Variants in RIMS1 observed in about 807,000 individuals in gnomAD.
RIMS1 encodes regulating synaptic membrane exocytosis protein 1.
In RIMS1, 83 loss-of-function variants were observed where a neutral mutation model predicts 214.1. That is an observed-to-expected ratio of 0.39 (90% confidence interval 0.32 to 0.47). The LOEUF is 0.47. Ranked by LOEUF, RIMS1 falls within the 20% of genes least tolerant of loss-of-function variation. The pLI is 0.99. For missense variants in RIMS1, 2,050 were observed against 2,161.8 expected (o/e 0.95, Z 1.03); for synonymous variants, 793 against 786.8 (o/e 1.01, Z -0.13).
chr6:72,256,704 G>A (rs952783461), intron 16 of RIMS1, among the ~76,000 whole-genome samples: 1 of 148,548 alleles, frequency 6.7e-6, no homozygotes, highest in African/African-American at 2.5e-5. Flanking sequence ...TTTTTACAAT[G>A]AGCTATGTAT....
intron 2 of RIMS1, among the ~76,000 whole-genome samples, chr6:72,093,602 CT>C (rs1198922241): frequency 2.6e-5 from 4 of 151,764 alleles, no homozygotes; most frequent in Non-Finnish European, 5.9e-5. Flanking sequence ...ATGTGATGAT[CT>C]TTGTCTTTTG....
intron 8 of RIMS1, among the ~76,000 whole-genome samples, chr6:72,237,540 G>A (rs913851934): frequency 4.0e-5 from 6 of 151,802 alleles, no homozygotes; most frequent in African/African-American, 1.5e-4. Context: ...GCTGGGCGTG[G>A]TGGTGTATGC....
intron 2 of RIMS1, among the ~76,000 whole-genome samples, chr6:72,014,370 C>T (rs544996804): frequency 7.9e-5 from 12 of 152,308 alleles, no homozygotes; most frequent in South Asian, 2.1e-4. Flanking sequence ...GGTGGGACAC[C>T]GCCAAACCAT....
chr6:72,336,043 T>A (rs1344682118), intron 29 of RIMS1, among the ~76,000 whole-genome samples: 1 of 151,890 alleles, frequency 6.6e-6, no homozygotes, highest in Non-Finnish European at 1.5e-5. Context: ...GGAGAAGGTT[T>A]TGACCACCAG....
chr6:72,259,126 T>A lies in RIMS1; in HGVS notation c.3053+15T>A. On this transcript the variant is annotated intron_variant, in intron 18 of 33. Coordinates refer to ENST00000521978, the MANE Select transcript of RIMS1 (RefSeq NM_014989.7). ...GAACAAGACAGGTATTTGTCAAAAT[T>A]ATGATCTCAACGTTATGAATTTTTT... is the stretch of plus-strand genomic sequence containing the variant. 1 of 1,608,660 alleles carries A rather than the reference T, an allele frequency of 6.2e-7. No homozygotes were observed. The highest frequency in any genetic ancestry group is 8.5e-7 in the Non-Finnish European group (1 of 1,176,156).
chr6:72,114,177 CA>C (rs2036628177), intron 4 of RIMS1, among the ~76,000 whole-genome samples: 1 of 151,966 alleles, frequency 6.6e-6, no homozygotes, highest in African/African-American at 2.4e-5. Context: ...TGACTTGACA[CA>C]ATGTAGTAAA....
chr6:72,186,937 C>T (rs1350823312), intron 6 of RIMS1, among the ~76,000 whole-genome samples: 1 of 152,066 alleles, frequency 6.6e-6, no homozygotes, highest in Non-Finnish European at 1.5e-5. Context: ...TCGAGACCAG[C>T]CTGGGCAACA....
rs934868800 is a variant in RIMS1 at position 71,903,213 on chromosome 6, C to T, written c.164+16026C>T. 3.9e-5 allele frequency among the ~76,000 whole-genome samples: 6 copies of T among 152,186 alleles called. No homozygotes were observed. In the East Asian group the frequency reaches 5.8e-4, roughly 15 times the overall value. On this transcript the variant is annotated intron_variant, in intron 1 of 33. Coordinates refer to ENST00000521978, the MANE Select transcript of RIMS1 (RefSeq NM_014989.7). ...TGTTGTTTCTTGACTTTTCAATAAT[C>T]GCCATTCTGACTGGCGTGAGGTGGT... is the stretch of plus-strand genomic sequence containing the variant.
intron 7 of RIMS1, among the ~76,000 whole-genome samples, chr6:72,235,302 T>C (rs2697442): frequency 0.63 from 94,990 of 151,842 alleles, 30,188 homozygotes; most frequent in East Asian, 0.98. Flanking sequence ...TTATTCCTCC[T>C]GTATAGCTGT....
chr6:72,332,184 T>C (rs2096683704), intron 28 of RIMS1, among the ~76,000 whole-genome samples: 1 of 151,810 alleles, frequency 6.6e-6, no homozygotes, highest in Non-Finnish European at 1.5e-5. Context: ...CTATATCAGC[T>C]AGTGTGTATT....
At chr6:72,100,974 G>A (rs557633572) in intron 4 of RIMS1, among the ~76,000 whole-genome samples, 1 of 151,924 alleles carries the variant, frequency 6.6e-6, no homozygotes, top group South Asian at 2.1e-4. Context: ...ATTTATTTTT[G>A]TCTGTACCAT....
At chr6:71,935,243 A>G (rs1414113293) in intron 1 of RIMS1, among the ~76,000 whole-genome samples, 1 of 152,220 alleles carries the variant, frequency 6.6e-6, no homozygotes, top group Non-Finnish European at 1.5e-5. Flanking sequence ...ACAGAGATGA[A>G]GAGTCAATAT....
At chr6:72,304,685 C>T (rs1183508383) in intron 26 of RIMS1, among the ~76,000 whole-genome samples, 1 of 151,884 alleles carries the variant, frequency 6.6e-6, no homozygotes, top group African/African-American at 2.4e-5. Flanking sequence ...TATGAAAAAA[C>T]TTTTACTGAA....
intron 29 of RIMS1, among the ~76,000 whole-genome samples, chr6:72,384,447 T>C (rs192841157): frequency 2.0e-5 from 3 of 152,348 alleles, no homozygotes; most frequent in Admixed American, 1.3e-4. Context: ...TGGTCACGTC[T>C]ATATTTTTTT....
At chr6:71,939,966 AG>A (rs1419388661) in intron 1 of RIMS1, among the ~76,000 whole-genome samples, 2 of 152,252 alleles carry the variant, frequency 1.3e-5, no homozygotes, top group African/African-American at 4.8e-5. Flanking sequence ...GTGTGAACTT[AG>A]ACAAATTAAT....
intron 23 of RIMS1, among the ~76,000 whole-genome samples, chr6:72,281,042 G>A (rs916468824): frequency 3.3e-5 from 5 of 151,944 alleles, no homozygotes; most frequent in African/African-American, 9.7e-5. Flanking sequence ...CACCAAAATC[G>A]CCTGGCTAGC....
At chr6:72,375,130 C>T (rs1286029857) in intron 29 of RIMS1, among the ~76,000 whole-genome samples, 1 of 152,200 alleles carries the variant, frequency 6.6e-6, no homozygotes, top group Non-Finnish European at 1.5e-5. Context: ...CAGACTGGTA[C>T]CAGTCCATGA....
intron 24 of RIMS1, among the ~76,000 whole-genome samples, chr6:72,289,104 A>G (rs1019762033): frequency 3.3e-5 from 5 of 152,178 alleles, no homozygotes; most frequent in African/African-American, 9.7e-5. Flanking sequence ...ATTTCAAGTC[A>G]CATTTGAGTT....
At chr6:72,036,720 G>C (rs2152051538) in intron 2 of RIMS1, among the ~76,000 whole-genome samples, 1 of 152,268 alleles carries the variant, frequency 6.6e-6, no homozygotes, top group South Asian at 2.1e-4. Context: ...GTTGTTTAAA[G>C]AATGGAGTAA....
Sources: allele counts gnomAD v4.1 joint callset (sites outside exome capture counted in the v4.1 genomes callset), GRCh38; gene constraint gnomAD v4.1.1; transcripts MANE v1.5; gene names NCBI Gene and HGNC (gene_info 2026-07-23, HGNC 2026-07-21).